The following STXBP5L variants were observed in gnomAD, a reference collection of about 807,000 sequenced individuals.
STXBP5L encodes syntaxin-binding protein 5-like.
STXBP5L carries 65 observed loss-of-function variants against 144.5 expected under a neutral mutation model. The observed-to-expected ratio is 0.45, with a 90% CI of 0.37 to 0.55. The LOEUF (loss-of-function observed/expected upper bound fraction) is 0.55. Among genes scored for constraint, STXBP5L ranks in the 20% least tolerant of loss-of-function variants. The pLI, the probability that STXBP5L is intolerant of heterozygous loss-of-function variation, is 0.00. For missense variants in STXBP5L, 1,298 were observed against 1,405.5 expected (o/e 0.92, Z 1.22); for synonymous variants, 505 against 469.6 (o/e 1.08, Z -0.97).
At chr3:121,304,741 GATGTT>G (rs1375968158) in intron 19 of STXBP5L, among the ~76,000 whole-genome samples, 6 of 151,942 alleles carry the variant, frequency 3.9e-5, no homozygotes, top group Non-Finnish European at 8.8e-5. Context: ...TAGAACATTA[GATGTT>G]ATGTTAGATT....
At chr3:121,022,762 A>G (rs1372148649) in intron 3 of STXBP5L, among the ~76,000 whole-genome samples, 1 of 152,202 alleles carries the variant, frequency 6.6e-6, no homozygotes, top group Admixed American at 6.5e-5. Context: ...ACGTATCTTA[A>G]GGTAAAGCCA....
At chr3:121,215,223 G>A (rs2048732630) in intron 10 of STXBP5L, among the ~76,000 whole-genome samples, 1 of 152,114 alleles carries the variant, frequency 6.6e-6, no homozygotes, top group Non-Finnish European at 1.5e-5. Flanking sequence ...ATATTGTTAT[G>A]TGTAAATTTG....
chr3:120,986,804 TA>T (rs932736038), intron 3 of STXBP5L, among the ~76,000 whole-genome samples: 5 of 151,644 alleles, frequency 3.3e-5, no homozygotes, highest in Admixed American at 6.6e-5. Context: ...ATACTTTAAA[TA>T]AAAAAATTAC....
intron 2 of STXBP5L, among the ~76,000 whole-genome samples, chr3:120,922,040 A>T (rs1026639003): frequency 2.6e-5 from 4 of 151,914 alleles, no homozygotes; most frequent in Admixed American, 6.6e-5. Flanking sequence ...TGAATCTGTA[A>T]ATTACTTTGG....
chr3:120,933,542 A>G (rs905080106), intron 2 of STXBP5L, among the ~76,000 whole-genome samples: 1 of 152,168 alleles, frequency 6.6e-6, no homozygotes, highest in Non-Finnish European at 1.5e-5. Context: ...AGAGCATTGT[A>G]TTAATATTTG....
At chr3:121,108,127 T>C (rs1374076586) in intron 5 of STXBP5L, among the ~76,000 whole-genome samples, 4 of 152,160 alleles carry the variant, frequency 2.6e-5, no homozygotes, top group Non-Finnish European at 4.4e-5. Flanking sequence ...AGCGATAGGA[T>C]TTTCTATATG....
At chr3:120,954,660 C>T (rs927012409) in intron 2 of STXBP5L, among the ~76,000 whole-genome samples, 1 of 151,808 alleles carries the variant, frequency 6.6e-6, no homozygotes, top group Non-Finnish European at 1.5e-5. Context: ...TTTAATTTTC[C>T]TGAATATATG....
chr3:121,392,283 C>T (rs2046607997), intron 22 of STXBP5L, among the ~76,000 whole-genome samples: 1 of 152,146 alleles, frequency 6.6e-6, no homozygotes, highest in Non-Finnish European at 1.5e-5. Flanking sequence ...GCAGGAGTGC[C>T]CTGTTTTTCC....
intron 3 of STXBP5L, among the ~76,000 whole-genome samples, chr3:121,007,646 G>A (rs1408726143): frequency 6.6e-6 from 1 of 151,940 alleles, no homozygotes; most frequent in African/African-American, 2.4e-5. Flanking sequence ...ACAGGATGAG[G>A]GTGGGATATT....
intron 5 of STXBP5L, among the ~76,000 whole-genome samples, chr3:121,065,003 C>G (rs2107642808): frequency 6.6e-6 from 1 of 152,138 alleles, no homozygotes; most frequent in South Asian, 2.1e-4. Context: ...GTATTGTTTT[C>G]TGTTCCTACA....
Position 121,250,039 on chromosome 3 carries a change from C to G in STXBP5L, c.1401-684C>G, listed in dbSNP as rs929923228. 1.3e-5 allele frequency among the ~76,000 whole-genome samples: 2 copies of G among 152,036 alleles called. 1 individual carries two copies. Among genetic ancestry groups the G allele is most frequent in the South Asian group, 4.1e-4 (2 of 4,820 alleles). On this transcript the variant is annotated intron_variant, in intron 14 of 26. Coordinates refer to ENST00000471454, the MANE Select transcript of STXBP5L (RefSeq NM_001308330.2). The stretch of plus-strand genomic sequence containing the variant: ...TGTTTGCCTTACATTCCTAAGAAAA[C>G]CCACTTAGTCATTATGTACTATCCT...
intron 19 of STXBP5L, among the ~76,000 whole-genome samples, chr3:121,308,785 TTA>T (rs951461207): frequency 6.6e-6 from 1 of 152,042 alleles, no homozygotes; most frequent in African/African-American, 2.4e-5. Context: ...AGAAATAAAA[TTA>T]TATAAAGTAG....
intron 3 of STXBP5L, among the ~76,000 whole-genome samples, chr3:120,977,534 G>A (rs1229008137): frequency 1.3e-5 from 2 of 152,144 alleles, no homozygotes; most frequent in African/African-American, 2.4e-5. Flanking sequence ...GTAGCATTTA[G>A]TCCTTTTACA....
chr3:121,055,633 C>G (rs768646359), intron 5 of STXBP5L, among the ~76,000 whole-genome samples: 81 of 151,848 alleles, frequency 5.3e-4, no homozygotes, highest in Admixed American at 8.5e-4. Flanking sequence ...GCCTCAGCCT[C>G]CTTAGTGCTG....
intron 25 of STXBP5L, among the ~76,000 whole-genome samples, chr3:121,417,898 C>T (rs900062172): frequency 2.0e-5 from 3 of 151,742 alleles, no homozygotes; most frequent in Non-Finnish European, 4.4e-5. Context: ...GAGAGAGAGA[C>T]AGAAAGAGAG....
At chr3:121,293,322 A>G (rs963766586) in intron 19 of STXBP5L, among the ~76,000 whole-genome samples, 6 of 152,302 alleles carry the variant, frequency 3.9e-5, no homozygotes, top group South Asian at 2.1e-4. Context: ...ATGGGAAGGG[A>G]CACATATGGT....
chr3:121,002,005 G>T (rs528861813), intron 3 of STXBP5L, among the ~76,000 whole-genome samples: 43 of 152,308 alleles, frequency 2.8e-4, no homozygotes, highest in Non-Finnish European at 5.1e-4. Context: ...AATGAATAAT[G>T]CTTTAATGAA....
At chr3:120,981,027 G>A (rs1319739196) in intron 3 of STXBP5L, among the ~76,000 whole-genome samples, 2 of 151,924 alleles carry the variant, frequency 1.3e-5, no homozygotes, top group African/African-American at 4.8e-5. Flanking sequence ...ACTGAAAATA[G>A]GAACCCAGCA....
chr3:120,943,130 A>C (rs1479882363), intron 2 of STXBP5L, among the ~76,000 whole-genome samples: 2 of 151,710 alleles, frequency 1.3e-5, no homozygotes, highest in Non-Finnish European at 3.0e-5. Flanking sequence ...TTTGTAAATA[A>C]AATTAACTCA....
Sources: gnomAD v4.1 joint callset for allele counts (sites outside exome capture counted in the v4.1 genomes callset) on GRCh38, gnomAD v4.1.1 for gene constraint, MANE v1.5 for transcripts, NCBI Gene and HGNC (gene_info 2026-07-23, HGNC 2026-07-21) for gene names.